Variants in ZDHHC13 observed in about 807,000 individuals in gnomAD.
The protein encoded by ZDHHC13 is zDHHC palmitoyltransferase 13, also known as palmitoyltransferase ZDHHC13.
A neutral mutation model predicts 86.0 loss-of-function variants in ZDHHC13; 85 were observed. The observed-to-expected ratio is 0.99, with a 90% CI of 0.83 to 1.18. ZDHHC13 has a LOEUF of 1.18. Ranked by LOEUF, ZDHHC13 falls within the 50% of genes most tolerant of loss-of-function variation. The pLI, the probability that ZDHHC13 is intolerant of heterozygous loss-of-function variation, is 0.00. For missense variants in ZDHHC13, 711 were observed against 730.2 expected (o/e 0.97, Z 0.30); for synonymous variants, 263 against 246.4 (o/e 1.07, Z -0.63).
At position 19,149,235 on chromosome 11, in the gene ZDHHC13, C is replaced by A. The variant is rs1444907718; in HGVS notation, c.423C>A (p.Asp141Glu). The A allele has an allele frequency of 1.2e-6, 2 of 1,605,642 alleles. No individual in the cohort carries two copies. The highest frequency in any genetic ancestry group is 1.1e-5 in the South Asian group (1 of 89,510). Reference sequence around the variant, plus strand: ...TATTATTACTCCAGCATGGTGCAGACCCCACTCTTATTGATGGAGAGGGAT... The same window carrying A: ...TATTATTACTCCAGCATGGTGCAGAACCCACTCTTATTGATGGAGAGGGAT... ...MVILLLQHGA[D>E]PTLIDGEGFS... The change falls in exon 5 of 17, where the codon GAC becomes GAA. Residue 141 changes from aspartate to glutamate, a missense_variant. Transcript: ENST00000446113.
chr11:19,172,626 C>T, intron 15 of ZDHHC13, 97 bp from the exon 16 acceptor site: 1 of 929,048 alleles, frequency 1.1e-6, no homozygotes, highest in South Asian at 2.1e-5. Flanking sequence ...GGAGAACACA[C>T]AAATTGAGAT....
rs1849749366 is a variant in ZDHHC13 at position 19,156,052 on chromosome 11, G to A, written c.1007+123G>A. 3.3e-6 allele frequency: 4 copies of A among 1,217,984 alleles called. No individual in the cohort carries two copies. The African/African-American group carries it at 6.3e-5, about 19-fold the overall frequency. The allele number at this position is 1,217,984 out of a possible 1,614,324, so 75.4% of individuals were successfully genotyped here. A position where few individuals can be genotyped will look rare whatever the true frequency, so the allele number is the denominator to read the frequency against. On this transcript the variant is annotated intron_variant, in intron 9 of 16. Coordinates refer to ENST00000446113, the MANE Select transcript of ZDHHC13 (RefSeq NM_019028.3). ...TGTAAATATTACTTACCATATAACA[G>A]CATCCTGCGGGTGGATGGGAGGAAA...
At chr11:19,136,754 G>A (rs1026067232) in intron 1 of ZDHHC13, among the ~76,000 whole-genome samples, 3 of 151,952 alleles carry the variant, frequency 2.0e-5, no homozygotes, top group African/African-American at 7.3e-5. Context: ...AAGATAGTGG[G>A]GGCCAATATT....
At chr11:19,169,611 C>T (rs1287651078) in intron 14 of ZDHHC13, 1 of 985,380 alleles carries the variant, frequency 1.0e-6, no homozygotes, top group African/African-American at 1.7e-5. Context: ...AATAATTCAC[C>T]CTTTATGCAT....
intron 14 of ZDHHC13, chr11:19,169,695 G>A (rs904501387): frequency 1.0e-5 from 10 of 985,366 alleles, no homozygotes; most frequent in Middle Eastern, 1.0e-3. Context: ...GCTGCTTCCT[G>A]TGTGTATTTC....
chr11:19,147,818 T>G, intron 4 of ZDHHC13, 145 bp downstream of exon 4: 2 of 526,924 alleles, frequency 3.8e-6, no homozygotes, highest in Non-Finnish European at 6.4e-6. Context: ...TTAAAGAGTT[T>G]GCAGAAAGGA....
At chr11:19,125,974 C>T (rs1281505687) in intron 1 of ZDHHC13, among the ~76,000 whole-genome samples, 1 of 152,066 alleles carries the variant, frequency 6.6e-6, no homozygotes, top group African/African-American at 2.4e-5. Context: ...GGTTACGTGA[C>T]TCCATACATA....
chr11:19,144,328 C>T (rs1244257633), intron 2 of ZDHHC13, among the ~76,000 whole-genome samples: 4 of 151,932 alleles, frequency 2.6e-5, no homozygotes, highest in African/African-American at 7.3e-5. Flanking sequence ...AGTAAAAACT[C>T]GCATTTTATG....
At chr11:19,128,558 A>G (rs1298022624) in intron 1 of ZDHHC13, among the ~76,000 whole-genome samples, 6 of 152,302 alleles carry the variant, frequency 3.9e-5, no homozygotes, top group African/African-American at 9.6e-5. Context: ...TTTCTAAAAA[A>G]TATTTAAAAA....
intron 5 of ZDHHC13, 54 bp from the exon 6 acceptor site, chr11:19,150,673 A>G: frequency 6.8e-7 from 1 of 1,466,826 alleles, no homozygotes; most frequent in South Asian, 1.2e-5. Flanking sequence ...TTAAGAGAAC[A>G]AATAGACTTT....
intron 1 of ZDHHC13, among the ~76,000 whole-genome samples, chr11:19,124,606 G>A (rs965046543): frequency 2.0e-5 from 3 of 151,908 alleles, no homozygotes; most frequent in African/African-American, 4.8e-5. Context: ...GAAATTTTTA[G>A]TATAGTTCAA....
intron 1 of ZDHHC13, among the ~76,000 whole-genome samples, chr11:19,122,536 A>G (rs1848778880): frequency 6.6e-6 from 1 of 152,060 alleles, no homozygotes; most frequent in Non-Finnish European, 1.5e-5. Flanking sequence ...AATCTAATAT[A>G]TATTGTAAAA....
At chr11:19,121,710 C>T (rs898207994) in intron 1 of ZDHHC13, among the ~76,000 whole-genome samples, 1 of 152,132 alleles carries the variant, frequency 6.6e-6, no homozygotes, top group African/African-American at 2.4e-5. Flanking sequence ...TGTGTTTGTT[C>T]ATACAGTAAA....
chr11:19,169,050 G>A (rs1419628734), intron 14 of ZDHHC13: 12 of 985,336 alleles, frequency 1.2e-5, no homozygotes, highest in African/African-American at 1.7e-5. Context: ...ATAAGATAAT[G>A]TACGTGACAA....
At chr11:19,135,418 G>T (rs4326774) in intron 1 of ZDHHC13, among the ~76,000 whole-genome samples, 100,439 of 152,114 alleles carry the variant, frequency 0.66, 33,840 homozygotes, top group Admixed American at 0.76. Context: ...GCTCGGAGGG[G>T]CCTACGCCCA....
chr11:19,119,171 C>T (rs939265855), intron 1 of ZDHHC13, among the ~76,000 whole-genome samples: 4 of 151,930 alleles, frequency 2.6e-5, no homozygotes, highest in South Asian at 2.1e-4. Flanking sequence ...AGTGCAGTGG[C>T]GCGATCTCGG....
chr11:19,170,374 CCTT>C, intron 14 of ZDHHC13, 34 bp from the exon 15 acceptor site: 2 of 1,413,030 alleles, frequency 1.4e-6, no homozygotes, highest in Non-Finnish European at 9.2e-7. Flanking sequence ...TAGTTTATTG[CCTT>C]TTTTTTTTTT....
In ZDHHC13 at chr11:19,176,333, T is replaced by C. The variant is rs938189183; in HGVS notation, c.*373T>C. ...TAATTTTTGCTAAGTTATTTGTCTT[T>C]GTTGTATCTATAAATATGTAAAAAA... On this transcript the variant is annotated 3_prime_UTR_variant, in exon 17 of 17. Coordinates refer to ENST00000446113, the MANE Select transcript of ZDHHC13 (RefSeq NM_019028.3). 6.4e-6 allele frequency: 1 copy of C among 155,910 alleles called. No individual in the cohort carries two copies. The highest frequency in any genetic ancestry group is 2.4e-5 in the African/African-American group (1 of 41,556). The allele number at this position is 155,910 out of a possible 1,614,324, so 9.7% of individuals were successfully genotyped here. A position where few individuals can be genotyped will look rare whatever the true frequency, so the allele number is the denominator to read the frequency against.
chr11:19,149,056 C>T, intron 4 of ZDHHC13, 131 bp from the exon 5 acceptor site: 1 of 840,364 alleles, frequency 1.2e-6, no homozygotes, highest in Non-Finnish European at 1.6e-6. Flanking sequence ...ACCATTGTTT[C>T]AAAAATCTTA....
Sources: gnomAD v4.1 joint callset for allele counts (sites outside exome capture counted in the v4.1 genomes callset) on GRCh38, gnomAD v4.1.1 for gene constraint, MANE v1.5 for transcripts, NCBI Gene and HGNC (gene_info 2026-07-23, HGNC 2026-07-21) for gene names.